The following BANF2 variants were observed in gnomAD, a reference collection of about 807,000 sequenced individuals.
The protein encoded by BANF2 is barrier-to-autointegration factor-like protein.
In BANF2, 4 loss-of-function variants were observed where a neutral mutation model predicts 8.0. That is an observed-to-expected ratio of 0.50 (90% CI 0.25 to 1.14). The LOEUF (loss-of-function observed/expected upper bound fraction) is 1.14, where lower values mean the gene tolerates loss of function less well. Ranked by LOEUF, BANF2 falls within the 50% of genes most tolerant of loss-of-function variation. The probability of loss-of-function intolerance (pLI) is 0.16; values close to 1 mark genes in which losing one functional copy is unlikely to be tolerated. For missense variants in BANF2, 96 were observed against 107.5 expected, an observed-to-expected ratio of 0.89 and a Z score of 0.47; for synonymous variants, 50 against 40.6, an observed-to-expected ratio of 1.23 and a Z score of -0.88.
chr20:17,728,354 G>C (rs748265526), intron 3 of BANF2, among the ~76,000 whole-genome samples: 1 of 152,252 alleles, frequency 6.6e-6, no homozygotes, highest in East Asian at 1.9e-4. Context: ...CCTGGGCTCC[G>C]CACTCAGCCA....
intron 1 of BANF2, 34 bp from the exon 2 acceptor site, chr20:17,722,682 A>T: frequency 1.0e-6 from 1 of 968,808 alleles, no homozygotes; most frequent in Non-Finnish European, 1.2e-6. Context: ...GGGGACCCTG[A>T]ACAACCTCTC....
chr20:17,729,539 C>G (rs1020177817), intron 3 of BANF2, among the ~76,000 whole-genome samples: 2 of 152,196 alleles, frequency 1.3e-5, no homozygotes, highest in African/African-American at 4.8e-5. Context: ...GAGTTTCAGA[C>G]CAGCCTGGCC....
At chr20:17,726,208 C>T (rs1219153084) in intron 3 of BANF2, among the ~76,000 whole-genome samples, 1 of 152,018 alleles carries the variant, frequency 6.6e-6, no homozygotes, top group Non-Finnish European at 1.5e-5. Context: ...TTATTTGAGA[C>T]AGGGTCTCAC....
At chr20:17,711,819 A>G (rs1051692148) in intron 1 of BANF2, among the ~76,000 whole-genome samples, 2 of 152,184 alleles carry the variant, frequency 1.3e-5, no homozygotes, top group Admixed American at 6.5e-5. Flanking sequence ...AGCTGGGTGC[A>G]CCAGCTGGTC....
At chr20:17,708,238 A>T (rs1600215349) in intron 1 of BANF2, among the ~76,000 whole-genome samples, 1 of 151,904 alleles carries the variant, frequency 6.6e-6, no homozygotes, top group African/African-American at 2.4e-5. Flanking sequence ...AAAAACAAAA[A>T]CAAACAGAAA....
chr20:17,724,199 A>C (rs2037771660), intron 2 of BANF2, among the ~76,000 whole-genome samples: 1 of 152,212 alleles, frequency 6.6e-6, no homozygotes, highest in South Asian at 2.1e-4. Flanking sequence ...TCCATTTAAA[A>C]GTGGAGAGGG....
intron 1 of BANF2, among the ~76,000 whole-genome samples, chr20:17,720,432 C>T (rs1355309356): frequency 6.6e-6 from 1 of 152,206 alleles, no homozygotes; most frequent in African/African-American, 2.4e-5. Flanking sequence ...AGACATGCTG[C>T]AGCACAGATG....
chr20:17,734,630 G>T (rs2037949273), intron 3 of BANF2, among the ~76,000 whole-genome samples: 1 of 152,206 alleles, frequency 6.6e-6, no homozygotes, highest in South Asian at 2.1e-4. Flanking sequence ...GGGACATTTG[G>T]CAATGTTTGG....
At chr20:17,700,087 G>A in intron 1 of BANF2, 32 bp downstream of exon 1, 1 of 868,860 alleles carries the variant, frequency 1.2e-6, no homozygotes, top group Non-Finnish European at 1.4e-6. Context: ...AAGCAGCATG[G>A]AAGGAGATAC....
chr20:17,695,326 C>T (rs916288660), upstream of BANF2, among the ~76,000 whole-genome samples: 6 of 150,536 alleles, frequency 4.0e-5, no homozygotes, highest in African/African-American at 1.5e-4. Flanking sequence ...TGGTGGCATG[C>T]CTGTAATTAC....
At chr20:17,723,300 G>C (rs1568816685) in intron 2 of BANF2, among the ~76,000 whole-genome samples, 1 of 152,202 alleles carries the variant, frequency 6.6e-6, no homozygotes, top group Non-Finnish European at 1.5e-5. Context: ...GCATTTGTTG[G>C]GGGCCCCTAG....
In BANF2 at chr20:17,732,028, T is replaced by C. The variant is rs565844521; in HGVS notation, c.127-3637T>C. ...TTGCAGTGAGCCAAGACCGTGCCAC[T>C]GCACTCCATCCTGGGCAACAGAGGG... On this transcript the variant is annotated intron_variant, in intron 3 of 3. Coordinates refer to ENST00000246090, the MANE Select transcript of BANF2 (RefSeq NM_178477.5). 6.0e-5 allele frequency among the ~76,000 whole-genome samples: 9 copies of C among 150,244 alleles called. No individual in the cohort carries two copies. In the East Asian group the frequency reaches 1.6e-3, roughly 26 times the overall value.
intron 3 of BANF2, among the ~76,000 whole-genome samples, chr20:17,730,755 A>T (rs60118588): frequency 0.065 from 9,924 of 151,802 alleles, 324 homozygotes; most frequent in Middle Eastern, 0.11. Flanking sequence ...GAAGGCTCCA[A>T]CTCCTTTCTG....
At position 17,725,160 on chromosome 20, in the gene BANF2, T is replaced by C. The variant is rs1209990463; in HGVS notation, c.126+9T>C. The C allele has an allele frequency of 1.2e-6, 2 of 1,609,628 alleles. No individual in the cohort carries two copies. The highest frequency in any genetic ancestry group is 1.7e-6 in the Non-Finnish European group (2 of 1,176,018). ...CCAAAGGTATCAATAAGGTAATTCA[T>C]ATTTTCTTACTTCTCTGACTTCTCT... On this transcript the variant is annotated intron_variant, in intron 3 of 3. Coordinates refer to ENST00000246090, the MANE Select transcript of BANF2 (RefSeq NM_178477.5).
chr20:17,719,279 C>A (rs1786683027), intron 1 of BANF2, among the ~76,000 whole-genome samples: 1 of 152,138 alleles, frequency 6.6e-6, no homozygotes. Context: ...TGCCTGCCCC[C>A]ACGCCCAGCT....
At chr20:17,725,311 A>G (rs1387382242) in intron 3 of BANF2, among the ~76,000 whole-genome samples, 160 bp downstream of exon 3, 1 of 152,252 alleles carries the variant, frequency 6.6e-6, no homozygotes, top group Non-Finnish European at 1.5e-5. Flanking sequence ...TTGACCCCAC[A>G]TGCTCAGGCA....
At chr20:17,726,445 C>T (rs2037811081) in intron 3 of BANF2, among the ~76,000 whole-genome samples, 1 of 152,154 alleles carries the variant, frequency 6.6e-6, no homozygotes, top group Non-Finnish European at 1.5e-5. Flanking sequence ...ACCTCGGCCT[C>T]CCAAAGTGCT....
chr20:17,710,540 G>A (rs1296774014), intron 1 of BANF2, among the ~76,000 whole-genome samples: 4 of 152,196 alleles, frequency 2.6e-5, no homozygotes, highest in Non-Finnish European at 5.9e-5. Context: ...GCTCAATTCG[G>A]TTCCATTTCT....
intron 1 of BANF2, among the ~76,000 whole-genome samples, chr20:17,702,231 G>A (rs1334252751): frequency 6.6e-6 from 1 of 152,166 alleles, no homozygotes; most frequent in African/African-American, 2.4e-5. Context: ...TGCCATCGAT[G>A]TGCCAAGTTC....
Sources: allele counts gnomAD v4.1 joint callset (sites outside exome capture counted in the v4.1 genomes callset), GRCh38; gene constraint gnomAD v4.1.1; transcripts MANE v1.5; gene names NCBI Gene and HGNC (gene_info 2026-07-23, HGNC 2026-07-21).